The following SLC67A1 variants were observed in gnomAD, a reference collection of about 807,000 sequenced individuals.
SLC67A1 encodes solute carrier family 67 member A1.
the SLC67A1 span, among the ~76,000 whole-genome samples, chr11:2,900,822 G>C: frequency 1.3e-5 from 2 of 151,776 alleles, no homozygotes; most frequent in Admixed American, 6.6e-5. Context: ...CTCCTGGACC[G>C]CAAGGGGAAG....
the SLC67A1 span, chr11:2,903,174 C>T: frequency 6.9e-7 from 1 of 1,454,394 alleles, no homozygotes; most frequent in East Asian, 2.4e-5. Context: ...AGGAGAGCTC[C>T]ACTGGGGAGG....
chr11:2,909,306 A>C, the SLC67A1 span: 1 of 1,533,752 alleles, frequency 6.5e-7, no homozygotes, highest in Non-Finnish European at 8.7e-7. Flanking sequence ...CCCGGGGTCT[A>C]CCTGCTCTTC....
At chr11:2,910,987 C>T in the SLC67A1 span, among the ~76,000 whole-genome samples, 4 of 152,104 alleles carry the variant, frequency 2.6e-5, no homozygotes, top group East Asian at 1.9e-4. Flanking sequence ...CTTCATGTTT[C>T]GGGGCTGGGA....
At chr11:2,919,299 C>T in the SLC67A1 span, 45 of 1,608,564 alleles carry the variant, frequency 2.8e-5, no homozygotes, top group South Asian at 8.8e-5. Context: ...TCCCCTGCCC[C>T]GGCTCAGGGC....
the SLC67A1 span, chr11:2,917,849 G>C: frequency 6.4e-6 from 4 of 626,670 alleles, no homozygotes; most frequent in African/African-American, 1.8e-5. Context: ...TCCCACAAGT[G>C]AGCGGTGCTG....
the SLC67A1 span, chr11:2,919,335 C>T: frequency 5.0e-6 from 8 of 1,613,822 alleles, no homozygotes; most frequent in African/African-American, 6.7e-5. Context: ...TCTCCATCAT[C>T]TCCATGGACT....
At chr11:2,903,254 C>T in the SLC67A1 span, 1 of 1,542,544 alleles carries the variant, frequency 6.5e-7, no homozygotes, top group East Asian at 2.3e-5. Flanking sequence ...AGTGACTCAG[C>T]ACCCCTGCCC....
the SLC67A1 span, chr11:2,908,345 T>C: frequency 5.0e-6 from 8 of 1,588,116 alleles, no homozygotes; most frequent in East Asian, 1.8e-4. Context: ...AGTGTGTGTG[T>C]GTACAGGGGC....
the SLC67A1 span, among the ~76,000 whole-genome samples, chr11:2,912,207 C>T: frequency 2.0e-5 from 3 of 152,334 alleles, no homozygotes; most frequent in South Asian, 4.1e-4. Flanking sequence ...AGGAGGGCTG[C>T]GGGGTTGACC....
chr11:2,909,233 C>A, the SLC67A1 span: 1 of 1,539,468 alleles, frequency 6.5e-7, no homozygotes, highest in South Asian at 1.2e-5. Context: ...GGCGCTCACG[C>A]TCTCCTTCCT....
chr11:2,924,194 G>A, the SLC67A1 span, among the ~76,000 whole-genome samples: 93 of 152,376 alleles, frequency 6.1e-4, 1 homozygote, highest in Middle Eastern at 3.4e-3. This position sits in a 1 kb window ranked among gnomAD's most constrained non-coding sequence, Gnocchi z 8.6. Context: ...CCACAGGGGC[G>A]TGGAGATGCG....
chr11:2,918,111 T>G, the SLC67A1 span: 1 of 1,598,830 alleles, frequency 6.3e-7, no homozygotes, highest in Non-Finnish European at 8.6e-7. Context: ...TCCCAACTAC[T>G]GCCCCAACAG....
the SLC67A1 span, chr11:2,919,464 G>T: frequency 1.1e-5 from 14 of 1,281,352 alleles, no homozygotes; most frequent in Admixed American, 2.1e-4. Flanking sequence ...AGTGGGGCAG[G>T]CCTCTGAGAG....
At chr11:2,924,809 G>C in the SLC67A1 span, among the ~76,000 whole-genome samples, 1 of 149,756 alleles carries the variant, frequency 6.7e-6, no homozygotes, top group South Asian at 2.1e-4. The surrounding 1 kb of genome is among the most constrained non-coding windows in gnomAD (Gnocchi z 8.6). Flanking sequence ...GGGTGGCAGG[G>C]GGTGGGGGAC....
the SLC67A1 span, among the ~76,000 whole-genome samples, chr11:2,924,305 G>T: frequency 5.9e-5 from 9 of 152,188 alleles, no homozygotes; most frequent in Admixed American, 5.9e-4. This position sits in a 1 kb window ranked among gnomAD's most constrained non-coding sequence, Gnocchi z 8.6. Context: ...AGGTGGAGGG[G>T]CCCTGCATGG....
chr11:2,918,067 G>A, the SLC67A1 span: 3,350 of 1,613,626 alleles, frequency 2.1e-3, 79 homozygotes, highest in East Asian at 0.047. Flanking sequence ...GGATCTTCCT[G>A]GTGAAGGTGG....
At chr11:2,909,203 G>A in the SLC67A1 span, 1 of 1,533,842 alleles carries the variant, frequency 6.5e-7, no homozygotes, top group Admixed American at 1.9e-5. Flanking sequence ...CAGGTTCGCA[G>A]ACCAGCGCGG....
At chr11:2,904,617 C>T in the SLC67A1 span, among the ~76,000 whole-genome samples, 7 of 152,250 alleles carry the variant, frequency 4.6e-5, no homozygotes, top group Non-Finnish European at 1.0e-4. Context: ...AGCCACCCAT[C>T]GACTCTCATG....
the SLC67A1 span, among the ~76,000 whole-genome samples, chr11:2,911,250 G>T: frequency 6.6e-6 from 1 of 152,182 alleles, no homozygotes; most frequent in Non-Finnish European, 1.5e-5. Context: ...TGGGGGCAGA[G>T]GTGGGTCCAG....
Sources: allele counts gnomAD v4.1 joint callset (sites outside exome capture counted in the v4.1 genomes callset), GRCh38; gene constraint gnomAD v4.1.1; non-coding constraint Gnocchi (gnomAD v3.1); transcripts MANE v1.5; gene names NCBI Gene and HGNC (gene_info 2026-07-23, HGNC 2026-07-21).